Variants in PIK3C2G observed in about 807,000 individuals in gnomAD.
The protein encoded by PIK3C2G is phosphatidylinositol-4-phosphate 3-kinase catalytic subunit type 2 gamma.
A neutral mutation model predicts 181.1 loss-of-function variants in PIK3C2G; 168 were observed. That is an observed-to-expected ratio of 0.93 (90% CI 0.82 to 1.05). The LOEUF is 1.05. Among genes scored for constraint, PIK3C2G ranks in the 50% least tolerant of loss-of-function variants. PIK3C2G has a pLI of 0.00. For synonymous variants in PIK3C2G, 573 were observed against 592.2 expected (o/e 0.97, Z 0.47); for missense variants, 1,869 against 1,732.8 (o/e 1.08, Z -1.40).
chr12:18,686,595 C>T, the PIK3C2G span, among the ~76,000 whole-genome samples: 2 of 151,948 alleles, frequency 1.3e-5, no homozygotes, highest in South Asian at 4.1e-4. Context: ...ATGTCCTTGT[C>T]CCCAATCTCT....
intron 5 of PIK3C2G, among the ~76,000 whole-genome samples, chr12:18,294,719 G>T (rs1430430534): frequency 6.6e-6 from 1 of 151,834 alleles, no homozygotes; most frequent in African/African-American, 2.4e-5. Context: ...TTTCTCTGCT[G>T]GTATTGCATA....
intron 30 of PIK3C2G, chr12:18,607,046 T>A (rs1236811229): frequency 3.0e-6 from 1 of 338,978 alleles, no homozygotes. Context: ...CTGAGATAGA[T>A]TGTAATCCCC....
At chr12:18,491,330 C>T (rs527924570) in intron 19 of PIK3C2G, 121 bp from the exon 20 acceptor site, 9 of 599,322 alleles carry the variant, frequency 1.5e-5, no homozygotes, top group African/African-American at 1.5e-4. Context: ...ACCCCAAAGT[C>T]ATCCAAGTGT....
intron 25 of PIK3C2G, among the ~76,000 whole-genome samples, chr12:18,540,947 A>C (rs1944118500): frequency 6.6e-6 from 1 of 151,968 alleles, no homozygotes; most frequent in South Asian, 2.1e-4. Context: ...AGATCATCAA[A>C]GCATTTAGTG....
At chr12:18,713,757 C>T in the PIK3C2G span, 3 of 152,176 alleles carry the variant, frequency 2.0e-5, no homozygotes, top group Admixed American at 2.0e-4. Context: ...AAGTTCACAG[C>T]TTTATCAAAA....
chr12:18,686,124 A>G, the PIK3C2G span, among the ~76,000 whole-genome samples: 36 of 151,940 alleles, frequency 2.4e-4, no homozygotes, highest in Middle Eastern at 3.2e-3. Flanking sequence ...TTTCTCACTT[A>G]CATCCCCCAT....
At chr12:18,625,149 T>G (rs1949038793) in intron 31 of PIK3C2G, among the ~76,000 whole-genome samples, 1 of 151,792 alleles carries the variant, frequency 6.6e-6, no homozygotes, top group Admixed American at 6.6e-5. Flanking sequence ...TATTTGATAT[T>G]GGCATTTATT....
At chr12:18,501,467 G>A (rs528333856) in intron 22 of PIK3C2G, among the ~76,000 whole-genome samples, 12 of 152,218 alleles carry the variant, frequency 7.9e-5, no homozygotes, top group African/African-American at 2.6e-4. Flanking sequence ...TGGGGATTAT[G>A]GGGATTATAA....
At chr12:18,259,637 T>G (rs974954916), upstream of PIK3C2G, among the ~76,000 whole-genome samples, 11 of 152,256 alleles carry the variant, frequency 7.2e-5, no homozygotes, top group South Asian at 2.3e-3. Flanking sequence ...CAAGAAAGTT[T>G]TAGAAGGCTG....
intron 26 of PIK3C2G, among the ~76,000 whole-genome samples, chr12:18,561,996 T>C (rs1187383214): frequency 3.3e-5 from 5 of 152,002 alleles, no homozygotes; most frequent in Non-Finnish European, 7.4e-5. Flanking sequence ...AGGGAAAGAA[T>C]AGGGTAGAAA....
intron 1 of PIK3C2G, among the ~76,000 whole-genome samples, chr12:18,252,164 A>G (rs963059226): frequency 5.3e-5 from 8 of 152,176 alleles, no homozygotes; most frequent in Non-Finnish European, 7.4e-5. Flanking sequence ...CAATTCTCTG[A>G]GTATAACAAC....
chr12:18,462,872 G>C (rs56902427), intron 18 of PIK3C2G, among the ~76,000 whole-genome samples: 28,208 of 151,846 alleles, frequency 0.19, 3,454 homozygotes, highest in African/African-American at 0.35. Flanking sequence ...CTCTTTATTA[G>C]TAGTAAAATT....
intron 18 of PIK3C2G, among the ~76,000 whole-genome samples, chr12:18,440,617 A>T (rs1390287890): frequency 6.6e-6 from 1 of 152,112 alleles, no homozygotes; most frequent in Non-Finnish European, 1.5e-5. Context: ...CAAAGGCATT[A>T]AGGTGTCTAT....
At chr12:18,657,846 A>G in the PIK3C2G span, among the ~76,000 whole-genome samples, 1 of 152,154 alleles carries the variant, frequency 6.6e-6, no homozygotes, top group Non-Finnish European at 1.5e-5. Context: ...AATAGAAATT[A>G]TCCCTAAGGA....
chr12:18,441,043 T>C (rs187293015), intron 18 of PIK3C2G, among the ~76,000 whole-genome samples: 55 of 151,992 alleles, frequency 3.6e-4, no homozygotes, highest in Non-Finnish European at 6.9e-4. Flanking sequence ...ATCAAAGAGA[T>C]AAAGTAGAAC....
At position 18,409,825 on chromosome 12, in the gene PIK3C2G, A is replaced by C. The variant is rs973422973; in HGVS notation, c.2315+9978A>C. On this transcript the variant is annotated intron_variant, in intron 16 of 32. Transcript: ENST00000538779. ...GGTTTGTCTCATGGTTTTGTAGGCT[A>C]TACAGGAAGCATGGTTGGGGAGGCC... Among the ~76,000 whole-genome samples, 9 of 152,262 alleles carry C rather than the reference A, an allele frequency of 5.9e-5. No homozygotes were observed. In the South Asian group the frequency reaches 1.9e-3, roughly 32 times the overall value.
intron 23 of PIK3C2G, among the ~76,000 whole-genome samples, chr12:18,503,898 A>G (rs1342895082): frequency 6.6e-6 from 1 of 152,154 alleles, no homozygotes; most frequent in Non-Finnish European, 1.5e-5. Flanking sequence ...CTCAATGTTT[A>G]CTTCATTCTG....
chr12:18,378,551 A>G (rs951530555), intron 13 of PIK3C2G, among the ~76,000 whole-genome samples: 1 of 152,220 alleles, frequency 6.6e-6, no homozygotes, highest in Admixed American at 6.5e-5. Flanking sequence ...TCGGCACAGC[A>G]AAAGAAACTA....
chr12:18,608,477 T>C (rs921483681), intron 30 of PIK3C2G, among the ~76,000 whole-genome samples: 8 of 145,992 alleles, frequency 5.5e-5, no homozygotes, highest in African/African-American at 1.0e-4. Context: ...AAACACTGCA[T>C]GTTCTCACTC....
Sources: gnomAD v4.1 joint callset for allele counts (sites outside exome capture counted in the v4.1 genomes callset) on GRCh38, gnomAD v4.1.1 for gene constraint, MANE v1.5 for transcripts, NCBI Gene and HGNC (gene_info 2026-07-23, HGNC 2026-07-21) for gene names.